Variants in UBR3 observed in about 807,000 individuals in gnomAD.
The protein encoded by UBR3 is E3 ubiquitin-protein ligase UBR3.
A neutral mutation model predicts 243.2 loss-of-function variants in UBR3; 85 were observed. That is an observed-to-expected ratio of 0.35 (90% CI 0.29 to 0.42). The LOEUF is 0.42. Ranked by LOEUF, UBR3 falls within the 10% of genes least tolerant of loss-of-function variation. The pLI, the probability that UBR3 is intolerant of heterozygous loss-of-function variation, is 1.00. For synonymous variants in UBR3, 748 were observed against 799.8 expected (o/e 0.94, Z 1.09); for missense variants, 1,686 against 2,300.8 (o/e 0.73, Z 5.47).
intron 8 of UBR3, among the ~76,000 whole-genome samples, chr2:169,901,313 A>AT (rs528537189): frequency 2.0e-4 from 30 of 151,562 alleles, no homozygotes; most frequent in African/African-American, 4.6e-4. Context: ...TTTAAATATA[A>AT]TTTTTTTTTA....
intron 5 of UBR3, among the ~76,000 whole-genome samples, chr2:169,887,106 C>T (rs2084130474): frequency 6.6e-6 from 1 of 152,178 alleles, no homozygotes; most frequent in African/African-American, 2.4e-5. Flanking sequence ...GAGAAACCAT[C>T]TGTAGATTTT....
chr2:169,914,084 G>A lies in UBR3; in HGVS notation c.1804G>A (p.Val602Ile). The A allele has an allele frequency of 6.6e-7, 1 of 1,506,524 alleles. No individual in the cohort carries two copies. Among genetic ancestry groups the A allele is most frequent in the Admixed American group, 2.2e-5 (1 of 45,680 alleles). 93.3% of individuals were successfully genotyped at this position (1,506,524 alleles called of 1,614,324 possible). The change falls in exon 11 of 39, where the codon GTT becomes ATT. Residue 602 changes from valine to isoleucine, a missense_variant. By Grantham distance (29) the Val-to-Ile change is conservative. Coordinates refer to ENST00000272793, the MANE Select transcript of UBR3 (RefSeq NM_172070.4). The stretch of plus-strand genomic sequence containing the variant: ...GGAAACTCAAGAGTATACCCGAAAT[G>A]TTGTTAGATATTGCCTTGAAGCTCT... ...VRETQEYTRN[V>I]VRYCLEALQD...
At position 169,827,871 on chromosome 2, in the gene UBR3, C is replaced by T. The variant is rs749728792; in HGVS notation, c.364C>T (p.Leu122=). ...CTACGATCCCGCGGCGCTCTGCGGC[C>T]TGGTCTGGACAGCCAACTTCGTGGC... ...RAYDPAALCG[L]VWTANFVAYR... The change falls in exon 1 of 39, where the codon CTG becomes TTG. Residue 122 remains leucine (L), a synonymous_variant. Coordinates refer to ENST00000272793, the MANE Select transcript of UBR3 (RefSeq NM_172070.4). The T allele has an allele frequency of 2.5e-5, 37 of 1,506,320 alleles. No individual in the cohort carries two copies. The African/African-American group carries it at 2.9e-4, about 12-fold the overall frequency. 93.3% of individuals were successfully genotyped at this position (1,506,320 alleles called of 1,614,324 possible). A position where few individuals can be genotyped will look rare whatever the true frequency, so the allele number is the denominator to read the frequency against.
chr2:169,848,665 A>G (rs886716545), intron 1 of UBR3, among the ~76,000 whole-genome samples: 3 of 151,692 alleles, frequency 2.0e-5, no homozygotes, highest in Non-Finnish European at 2.9e-5. Context: ...TATGAGTAAT[A>G]TATATGAGTA....
chr2:169,875,989 T>G, intron 3 of UBR3, 40 bp downstream of exon 3: 1 of 1,391,048 alleles, frequency 7.2e-7, no homozygotes, highest in East Asian at 2.8e-5. Flanking sequence ...TTTTCATATC[T>G]TACTATAATG....
At chr2:170,071,238 G>A (rs2091691303) in intron 35 of UBR3, among the ~76,000 whole-genome samples, 1 of 152,122 alleles carries the variant, frequency 6.6e-6, no homozygotes, top group South Asian at 2.1e-4. Context: ...TGGAAGAAAT[G>A]AAAACATATG....
intron 5 of UBR3, among the ~76,000 whole-genome samples, chr2:169,883,469 G>A (rs186841260): frequency 6.6e-6 from 1 of 152,332 alleles, no homozygotes; most frequent in East Asian, 1.9e-4. Context: ...AGTTGCGAAA[G>A]TATGTCCAGA....
chr2:170,014,667 T>C (rs1275817155), intron 29 of UBR3: 2 of 152,304 alleles, frequency 1.3e-5, no homozygotes, highest in African/African-American at 4.8e-5. Context: ...GTATGAACAG[T>C]ATTGATGGTT....
intron 1 of UBR3, among the ~76,000 whole-genome samples, chr2:169,858,656 A>G (rs751320844): frequency 6.6e-6 from 1 of 151,868 alleles, no homozygotes; most frequent in Non-Finnish European, 1.5e-5. Context: ...CTGGAATGCA[A>G]TGGGGTGATC....
chr2:169,845,051 A>G (rs1186432802), intron 1 of UBR3, among the ~76,000 whole-genome samples: 2 of 151,966 alleles, frequency 1.3e-5, no homozygotes, highest in Non-Finnish European at 2.9e-5. Flanking sequence ...TTTTTGATAT[A>G]TTTTCATTTT....
chr2:169,889,977 C>T (rs991602279), intron 5 of UBR3, among the ~76,000 whole-genome samples: 11 of 152,160 alleles, frequency 7.2e-5, no homozygotes, highest in African/African-American at 2.7e-4. Flanking sequence ...CACATTACCG[C>T]ACCTCTTTAT....
chr2:169,890,569 A>ATATATATATGTATATATATGTG (rs1415148340), intron 5 of UBR3, among the ~76,000 whole-genome samples: 53 of 101,378 alleles, frequency 5.2e-4, no homozygotes, highest in African/African-American at 7.4e-4. Context: ...ATATATGTGT[A>ATATATATATGTATATATATGTG]TATATATATA....
rs760916848 is a variant in UBR3 at position 169,947,523 on chromosome 2, A to ATT, written c.2911-9_2911-8dup. 34 of 1,122,112 alleles carry ATT rather than the reference A, an allele frequency of 3.0e-5. No homozygotes were observed. Among genetic ancestry groups the ATT allele is most frequent in the South Asian group, 2.9e-4 (15 of 51,644 alleles). The allele number at this position is 1,122,112 out of a possible 1,614,324, so 69.5% of individuals were successfully genotyped here. A position where few individuals can be genotyped will look rare whatever the true frequency, so the allele number is the denominator to read the frequency against. ...CGTGATGTGGCAAGACTTGATATTC[A>ATT]TTTTTTTTTTTATTTTAGGCATCAG... is the stretch of plus-strand genomic sequence containing the variant. On this transcript the variant is annotated intron_variant, in intron 21 of 38. Transcript: ENST00000272793.
Position 169,948,236 on chromosome 2 carries a change from C to T in UBR3, c.3084+521C>T, listed in dbSNP as rs1197854419. ...TAGCATATTTGAGTCTCTTTACATT[C>T]ATCATTGCCACTGTATTACTAACAT... is the stretch of plus-strand genomic sequence containing the variant. On this transcript the variant is annotated intron_variant, in intron 22 of 38. Coordinates refer to ENST00000272793, the MANE Select transcript of UBR3 (RefSeq NM_172070.4). Among the ~76,000 whole-genome samples the T allele has an allele frequency of 5.9e-5, 9 of 152,012 alleles. No individual in the cohort carries two copies. In the East Asian group the frequency reaches 1.5e-3, roughly 26 times the overall value.
chr2:170,065,179 A>G (rs2091535636), intron 35 of UBR3, among the ~76,000 whole-genome samples: 1 of 152,158 alleles, frequency 6.6e-6, no homozygotes, highest in Non-Finnish European at 1.5e-5. Flanking sequence ...TAATCTGTCA[A>G]GTTACTTCCC....
intron 17 of UBR3, among the ~76,000 whole-genome samples, chr2:169,928,459 A>G (rs2085991708): frequency 6.6e-6 from 1 of 152,170 alleles, no homozygotes; most frequent in African/African-American, 2.4e-5. Context: ...CTGAAATTTG[A>G]TAAATTTATT....
rs756346940 is a variant in UBR3 at position 169,927,000 on chromosome 2, C to T, written c.2338+29C>T. 1.9e-5 allele frequency: 29 copies of T among 1,535,114 alleles called. 1 individual carries two copies. In the South Asian group the frequency reaches 3.2e-4, roughly 17 times the overall value. On this transcript the variant is annotated intron_variant, in intron 16 of 38. Coordinates refer to ENST00000272793, the MANE Select transcript of UBR3 (RefSeq NM_172070.4). ...AAACTCACTGATACTAATACTTATG[C>T]ATTAACTGTTTTCCTCCCTTTCTCC...
chr2:170,073,731 G>GA (rs3217724), intron 36 of UBR3, 124 bp downstream of exon 36: 457,400 of 940,370 alleles, frequency 0.49, 118,601 homozygotes, highest in Non-Finnish European at 0.52. Flanking sequence ...TGATTAAATT[G>GA]AAAAAATTGT....
chr2:169,879,077 A>G (rs1411353151), intron 5 of UBR3, among the ~76,000 whole-genome samples: 1 of 151,880 alleles, frequency 6.6e-6, no homozygotes, highest in Non-Finnish European at 1.5e-5. Flanking sequence ...TTGAAATTTC[A>G]ATTTTTATAG....
Sources: allele counts gnomAD v4.1 joint callset (sites outside exome capture counted in the v4.1 genomes callset), GRCh38; gene constraint gnomAD v4.1.1; transcripts MANE v1.5; gene names NCBI Gene and HGNC (gene_info 2026-07-23, HGNC 2026-07-21).